DEGS2: variants seen among roughly 807,000 people sequenced by gnomAD.
DEGS2 encodes the protein delta 4-desaturase, sphingolipid 2, also known as sphingolipid delta(4)-desaturase/C4-monooxygenase DES2.
Under a neutral mutation model 23.8 loss-of-function variants are expected in DEGS2, and 19 were observed. The observed-to-expected ratio is 0.80, with a 90% CI of 0.56 to 1.17. The LOEUF is 1.17. DEGS2 is among the 50% of genes most tolerant of loss of function. DEGS2 has a pLI of 0.00. For synonymous variants in DEGS2, 218 were observed against 213.7 expected (o/e 1.02, Z -0.18); for missense variants, 390 against 459.5 (o/e 0.85, Z 1.38).
In DEGS2 at chr14:100,148,970, G is replaced by A. The variant is rs780537564; in HGVS notation, c.823C>T (p.Leu275=). Residue 275 remains leucine (L), a splice_region_variant and synonymous_variant, in exon 2 of 3, where the codon CTG becomes TTG. Transcript: ENST00000305631. ...GCCCTGCCAGCCCAGCCACATACCA[G>A]CGGCAGGTTGTAGCCCGGGATGCTG... ...FPSIPGYNLP[L]VRKIAPEYYD... is the part of the protein sequence containing the mutation. 13 of 1,611,346 alleles carry A rather than the reference G, an allele frequency of 8.1e-6. No homozygotes were observed. The highest frequency in any genetic ancestry group is 1.7e-4 in the Middle Eastern group (1 of 6,056).
intron 1 of DEGS2, among the ~76,000 whole-genome samples, chr14:100,151,954 G>T (rs1595276961): frequency 6.6e-6 from 1 of 152,182 alleles, no homozygotes; most frequent in African/African-American, 2.4e-5. Context: ...TCGGGACCAC[G>T]CCATGCAGAC....
At chr14:100,158,057 G>A (rs1027945663) in intron 1 of DEGS2, among the ~76,000 whole-genome samples, 3 of 140,898 alleles carry the variant, frequency 2.1e-5, no homozygotes, top group Non-Finnish European at 4.5e-5. Flanking sequence ...ACTGCACTCC[G>A]GTCTGGGCGA....
chr14:100,149,746 G>T, intron 1 of DEGS2, 36 bp from the exon 2 acceptor site: 1 of 1,554,904 alleles, frequency 6.4e-7, no homozygotes. Flanking sequence ...GGCCCCGCTC[G>T]GTGGGGCTGC....
In DEGS2 at chr14:100,145,143, A is replaced by ACTGT. The variant is rs755355356; in HGVS notation, c.*1614_*1617dup. ...GAGTCTCCCCAGGAGCGCTCAAAGG[A>ACTGT]CTGTCTGTCTTCGGAGCCACCCTCT... On this transcript the variant is annotated 3_prime_UTR_variant, in exon 3 of 3. Transcript: ENST00000305631. 2 of 152,394 alleles carry ACTGT rather than the reference A, an allele frequency of 1.3e-5. No individual in the cohort carries two copies. Among genetic ancestry groups the ACTGT allele is most frequent in the African/African-American group, 2.4e-5 (1 of 41,446 alleles). The allele number at this position is 152,394 out of a possible 1,614,324, so 9.4% of individuals were successfully genotyped here.
At chr14:100,163,346 G>A (rs1196483313), upstream of DEGS2, among the ~76,000 whole-genome samples, 1 of 152,230 alleles carries the variant, frequency 6.6e-6, no homozygotes, top group East Asian at 1.9e-4. Context: ...GGAGGCCGAG[G>A]CAGGAGAATC....
At chr14:100,166,577 G>T in the DEGS2 span, among the ~76,000 whole-genome samples, 1 of 152,078 alleles carries the variant, frequency 6.6e-6, no homozygotes, top group Non-Finnish European at 1.5e-5. Context: ...CGGTGATGCC[G>T]CGTGGGTCTC....
chr14:100,150,111 G>T (rs1026624226), intron 1 of DEGS2, among the ~76,000 whole-genome samples: 2 of 152,208 alleles, frequency 1.3e-5, no homozygotes, highest in Admixed American at 6.5e-5. Context: ...CCCAGCGCCC[G>T]CAGCAAAGTG....
chr14:100,165,946 G>GT, the DEGS2 span, among the ~76,000 whole-genome samples: 1 of 118,874 alleles, frequency 8.4e-6, no homozygotes. Flanking sequence ...AGAGTCAGGG[G>GT]AGCCTGCCTG....
At chr14:100,164,462 C>A (rs528144275), upstream of DEGS2, among the ~76,000 whole-genome samples, 1 of 152,136 alleles carries the variant, frequency 6.6e-6, no homozygotes, top group South Asian at 2.1e-4. Flanking sequence ...ATGCTGCAAC[C>A]CCGTCTCTAC....
In DEGS2 at chr14:100,149,642, C is replaced by T; in HGVS notation, c.151G>A (p.Val51Met). The change falls in exon 2 of 3, where the codon GTG becomes ATG. Residue 51 changes from valine to methionine, a missense_variant. Physicochemically the swap from Val to Met is conservative, Grantham distance 21 (BLOSUM62 1). Coordinates refer to ENST00000305631, the MANE Select transcript of DEGS2 (RefSeq NM_206918.3). The part of the protein sequence containing the change: ...PRLKWAVLVL[V>M]LVQMLACWLV... Reference sequence around the variant, plus strand: ...CAGCAGGCCAGCATCTGCACCAGCACCAGCACCAGCACCGCCCACTTGAGG... The same window carrying T: ...CAGCAGGCCAGCATCTGCACCAGCATCAGCACCAGCACCGCCCACTTGAGG... 1 of 1,611,958 alleles carries T rather than the reference C, an allele frequency of 6.2e-7. No homozygotes were observed. Among genetic ancestry groups the T allele is most frequent in the Non-Finnish European group, 8.5e-7 (1 of 1,179,552 alleles).
At position 100,148,960 on chromosome 14, in the gene DEGS2, C is replaced by T. The variant is rs781414611; in HGVS notation, c.825+8G>A. ...CCCCGCCGCAGCCCTGCCAGCCCAG[C>T]CACATACCAGCGGCAGGTTGTAGCC... is the stretch of plus-strand genomic sequence containing the variant. On this transcript the variant is annotated splice_region_variant and intron_variant, in intron 2 of 2. Coordinates refer to ENST00000305631, the MANE Select transcript of DEGS2 (RefSeq NM_206918.3). 6.2e-7 allele frequency: 1 copy of T among 1,610,054 alleles called. No homozygotes were observed. Among genetic ancestry groups the T allele is most frequent in the Admixed American group, 1.7e-5 (1 of 59,910 alleles).
the DEGS2 span, among the ~76,000 whole-genome samples, chr14:100,166,333 G>GGGAGCCTGCCCGGGGAAGTGGGA: frequency 1.7e-5 from 1 of 60,310 alleles, no homozygotes; most frequent in Non-Finnish European, 2.8e-5. Context: ...GGGGCTGTGG[G>GGGAGCCTGCCCGGGGAAGTGGGA]GGAGCCTGCC....
At chr14:100,154,350 C>T (rs950873938) in intron 1 of DEGS2, among the ~76,000 whole-genome samples, 7 of 86,748 alleles carry the variant, frequency 8.1e-5, no homozygotes, top group Admixed American at 1.3e-4. Flanking sequence ...GGCAACAAAG[C>T]GTCTCAAAAA....
At chr14:100,165,048 T>C in the DEGS2 span, among the ~76,000 whole-genome samples, 1 of 152,172 alleles carries the variant, frequency 6.6e-6, no homozygotes, top group African/African-American at 2.4e-5. Flanking sequence ...ATGCTTTTAT[T>C]TTCTGTGTCC....
chr14:100,166,715 AGG>A, the DEGS2 span, among the ~76,000 whole-genome samples: 1 of 152,158 alleles, frequency 6.6e-6, no homozygotes, highest in Non-Finnish European at 1.5e-5. Flanking sequence ...CAGGGCCATG[AGG>A]GGTCAGCAGG....
At chr14:100,148,281 G>A (rs942283283) in intron 2 of DEGS2, among the ~76,000 whole-genome samples, 19 of 152,144 alleles carry the variant, frequency 1.2e-4, no homozygotes, top group Admixed American at 4.6e-4. Context: ...TGCACACCCC[G>A]GTGCACACAG....
intron 1 of DEGS2, among the ~76,000 whole-genome samples, chr14:100,158,310 C>A (rs1384892857): frequency 6.6e-6 from 1 of 152,036 alleles, no homozygotes; most frequent in Non-Finnish European, 1.5e-5. Flanking sequence ...ACTCAGGAGG[C>A]TGAGGTAGGA....
chr14:100,161,887 T>C (rs1176689877), upstream of DEGS2, among the ~76,000 whole-genome samples: 1 of 146,984 alleles, frequency 6.8e-6, no homozygotes, highest in Non-Finnish European at 1.5e-5. Flanking sequence ...CTGGCCAACA[T>C]AGTGAAATCC....
chr14:100,149,723 CAG>C lies in DEGS2; in HGVS notation c.83-15_83-14del. 4 of 1,586,516 alleles carry C rather than the reference CAG, an allele frequency of 2.5e-6. No individual in the cohort carries two copies. Among genetic ancestry groups the C allele is most frequent in the South Asian group, 2.3e-5 (2 of 86,862 alleles). On this transcript the variant is annotated splice_polypyrimidine_tract_variant and intron_variant, in intron 1 of 2. Transcript: ENST00000305631. ...GCCGGGTACTTGGCTGCAAGGAAGA[CAG>C]GGAGGTATGAGGCCCCGCTCGGTGG...
Sources: gnomAD v4.1 joint callset for allele counts (sites outside exome capture counted in the v4.1 genomes callset) on GRCh38, gnomAD v4.1.1 for gene constraint, MANE v1.5 for transcripts, NCBI Gene and HGNC (gene_info 2026-07-23, HGNC 2026-07-21) for gene names.